NUB1: variants seen among roughly 807,000 people sequenced by gnomAD.
The protein encoded by NUB1 is negative regulator of ubiquitin like proteins 1.
NUB1 carries 41 observed loss-of-function variants against 77.1 expected under a neutral mutation model. The ratio of observed to expected loss-of-function variants is 0.53; its 90% CI spans 0.41 to 0.69. The LOEUF is 0.69. Ranked by LOEUF, NUB1 falls within the 30% of genes least tolerant of loss-of-function variation. The probability of loss-of-function intolerance (pLI) is 0.00; values close to 1 mark genes in which losing one functional copy is unlikely to be tolerated. For missense variants in NUB1, 643 were observed against 743.8 expected (o/e 0.86, Z 1.58); for synonymous variants, 257 against 281.0 (o/e 0.91, Z 0.85).
At chr7:151,366,195 G>C (rs1273151816) in intron 8 of NUB1, among the ~76,000 whole-genome samples, 1 of 152,084 alleles carries the variant, frequency 6.6e-6, no homozygotes, top group Non-Finnish European at 1.5e-5. Flanking sequence ...CCTTTGCTGC[G>C]CCTGGGTTCA....
intron 7 of NUB1, among the ~76,000 whole-genome samples, chr7:151,358,629 C>A (rs1470104369): frequency 6.6e-6 from 1 of 152,212 alleles, no homozygotes; most frequent in Non-Finnish European, 1.5e-5. Flanking sequence ...CTGCCTTCCT[C>A]CTTGTCCATG....
intron 5 of NUB1, among the ~76,000 whole-genome samples, chr7:151,355,311 AGTGACATAG>A (rs1252776737): frequency 1.3e-5 from 2 of 152,232 alleles, no homozygotes; most frequent in East Asian, 3.8e-4. Flanking sequence ...ACTGCTTAAC[AGTGACATAG>A]TTACAACCAA....
At chr7:151,345,236 T>C in intron 1 of NUB1, 112 bp from the exon 2 acceptor site, 1 of 639,098 alleles carries the variant, frequency 1.6e-6, no homozygotes, top group Non-Finnish European at 2.8e-6. Context: ...TTATATTTAA[T>C]GACAGAGGAA....
chr7:151,342,542 C>T (rs1796262839), intron 1 of NUB1, among the ~76,000 whole-genome samples: 1 of 152,170 alleles, frequency 6.6e-6, no homozygotes, highest in Non-Finnish European at 1.5e-5. Flanking sequence ...TTCTTAGTTA[C>T]AATGTGAAAC....
At chr7:151,363,970 T>A (rs1432588603) in intron 8 of NUB1, among the ~76,000 whole-genome samples, 1 of 151,682 alleles carries the variant, frequency 6.6e-6, no homozygotes, top group African/African-American at 2.4e-5. Flanking sequence ...GTTTTTGTAT[T>A]TTTAGTAGAG....
At chr7:151,374,510 G>A in intron 12 of NUB1, 1 of 554,318 alleles carries the variant, frequency 1.8e-6, no homozygotes, top group Non-Finnish European at 3.2e-6. Context: ...AGGACTTTGT[G>A]TAGGGTTTCT....
intron 7 of NUB1, among the ~76,000 whole-genome samples, chr7:151,358,398 A>G (rs566519873): frequency 6.6e-6 from 1 of 152,350 alleles, no homozygotes; most frequent in South Asian, 2.1e-4. Context: ...GATGGGTACC[A>G]GTCCGTGGCT....
At chr7:151,354,815 T>C (rs1389506754) in intron 5 of NUB1, among the ~76,000 whole-genome samples, 1 of 152,210 alleles carries the variant, frequency 6.6e-6, no homozygotes, top group African/African-American at 2.4e-5. Flanking sequence ...CGATTGCAGC[T>C]CACTGCAGCC....
At chr7:151,342,005 GGGGCCGGGAGCGGT>G in intron 1 of NUB1, 159 bp downstream of exon 1, 1 of 1,255,258 alleles carries the variant, frequency 8.0e-7, no homozygotes, top group Non-Finnish European at 1.0e-6. Context: ...GGCCGGGGCC[GGGGCCGGGAGCGGT>G]GGGCCGGGCT....
Position 151,377,748 on chromosome 7 carries a change from T to G in NUB1, c.*523T>G, listed in dbSNP as rs1798368163. On this transcript the variant is annotated 3_prime_UTR_variant, in exon 15 of 15. Coordinates refer to ENST00000568733, the MANE Select transcript of NUB1 (RefSeq NM_001243351.2). ...CTTTAAGTCTTCCTTCCAAGTGCTGTGGGGCATAACGATGAGGCGCTGGCC... is the reference window on the plus strand; with the variant it reads ...CTTTAAGTCTTCCTTCCAAGTGCTGGGGGGCATAACGATGAGGCGCTGGCC... 6.6e-6 allele frequency: 1 copy of G among 152,384 alleles called. No individual in the cohort carries two copies. 9.4% of individuals were successfully genotyped at this position (152,384 alleles called of 1,614,324 possible). A position where few individuals can be genotyped will look rare whatever the true frequency, so the allele number is the denominator to read the frequency against.
chr7:151,359,204 C>T (rs1167692096), intron 7 of NUB1, among the ~76,000 whole-genome samples: 4 of 150,056 alleles, frequency 2.7e-5, no homozygotes, highest in Non-Finnish European at 4.4e-5. Context: ...TTTGGGAGGC[C>T]GAGGCGGGCA....
At chr7:151,347,829 T>G (rs770550090) in intron 2 of NUB1, among the ~76,000 whole-genome samples, 4 of 152,234 alleles carry the variant, frequency 2.6e-5, no homozygotes, top group Admixed American at 1.3e-4. Context: ...AAATTTATGC[T>G]TACACCATAA....
intron 11 of NUB1, among the ~76,000 whole-genome samples, chr7:151,371,502 C>T (rs937240354): frequency 6.6e-6 from 1 of 152,180 alleles, no homozygotes; most frequent in East Asian, 1.9e-4. Context: ...AACGCCAAGA[C>T]TGGCTCAGGC....
chr7:151,368,228 C>T (rs1459776299), intron 10 of NUB1, among the ~76,000 whole-genome samples: 2 of 152,160 alleles, frequency 1.3e-5, no homozygotes, highest in African/African-American at 2.4e-5. Flanking sequence ...TGAGCCAGGC[C>T]GGAGCAGTGA....
chr7:151,343,383 C>A (rs1361817025), intron 1 of NUB1, among the ~76,000 whole-genome samples: 1 of 152,146 alleles, frequency 6.6e-6, no homozygotes, highest in Non-Finnish European at 1.5e-5. Context: ...ATGAAATACA[C>A]AAGCTACCAA....
chr7:151,376,808 G>A lies in NUB1; in HGVS notation c.1666G>A (p.Ala556Thr), dbSNP rs374673411. 1.0e-5 allele frequency: 16 copies of A among 1,580,596 alleles called. No homozygotes were observed. The highest frequency in any genetic ancestry group is 9.4e-5 in the African/African-American group (7 of 74,298). Reference sequence around the variant, plus strand: ...GCCAGCCACGTCCCCTTCTGACTCCGCAGGTAGGTCTGAGGTCTTTGAGGG... The same window carrying A: ...GCCAGCCACGTCCCCTTCTGACTCCACAGGTAGGTCTGAGGTCTTTGAGGG... ...SPPATSPSDS[A>T]GTSSASTDED... is the part of the protein sequence containing the mutation. Residue 556 changes from alanine (A) to threonine (T), a missense_variant, in exon 14 of 15, where the codon GCA becomes ACA. Transcript: ENST00000568733.
Position 151,368,767 on chromosome 7 carries a change from T to A in NUB1, c.1128T>A (p.Asp376Glu), listed in dbSNP as rs757804913. The change falls in exon 11 of 15, where the codon GAT (aspartate) becomes GAA (glutamate). Residue 376 changes from aspartate to glutamate, a missense_variant. Transcript: ENST00000568733. ...ARQLFKELYI[D>E]PSKVDNLLQL... is the part of the protein sequence containing the mutation. ...AGCTCTTTAAAGAGCTATATATTGA[T>A]CCATCAAAAGTGGACAATTTGTTGC... The A allele has an allele frequency of 6.8e-6, 11 of 1,613,760 alleles. No homozygotes were observed. The highest frequency in any genetic ancestry group is 9.3e-6 in the Non-Finnish European group (11 of 1,179,840).
chr7:151,352,748 CTT>C (rs1796876800), intron 4 of NUB1, 62 bp from the exon 5 acceptor site: 2 of 1,096,976 alleles, frequency 1.8e-6, no homozygotes, highest in Non-Finnish European at 2.8e-6. Flanking sequence ...TGGCTAATGT[CTT>C]TTTAATGGAT....
intron 11 of NUB1, 171 bp downstream of exon 11, chr7:151,369,058 A>G: frequency 2.8e-6 from 2 of 708,894 alleles, no homozygotes; most frequent in Non-Finnish European, 2.1e-6. Context: ...TCCAGGCTGG[A>G]GTGCAGTGGC....
Sources: gnomAD v4.1 joint callset for allele counts (sites outside exome capture counted in the v4.1 genomes callset) on GRCh38, gnomAD v4.1.1 for gene constraint, MANE v1.5 for transcripts, NCBI Gene and HGNC (gene_info 2026-07-23, HGNC 2026-07-21) for gene names.